POLN: variants seen among roughly 807,000 people sequenced by gnomAD.
POLN encodes DNA polymerase nu.
Under a neutral mutation model 113.5 loss-of-function variants are expected in POLN, and 108 were observed. That is an observed-to-expected ratio of 0.95 (90% CI 0.81 to 1.12). POLN has a LOEUF of 1.12. POLN is among the 50% of genes most tolerant of loss of function. The pLI is 0.00. For synonymous variants in POLN, 386 were observed against 391.5 expected (o/e 0.99, Z 0.17); for missense variants, 1,097 against 1,077.1 (o/e 1.02, Z -0.26).
At chr4:2,075,659 C>T (rs1406418361) in intron 23 of POLN, 140 bp from the exon 24 acceptor site, 3 of 837,926 alleles carry the variant, frequency 3.6e-6, no homozygotes, top group Non-Finnish European at 5.7e-6. Context: ...AGGTGGGGGC[C>T]CATCCCCAAG....
At chr4:2,134,259 T>C (rs1220937744) in intron 16 of POLN, among the ~76,000 whole-genome samples, 2 of 152,230 alleles carry the variant, frequency 1.3e-5, no homozygotes, top group Non-Finnish European at 2.9e-5. Context: ...TCTATTCACT[T>C]CTAAAAAGAC....
intron 12 of POLN, 141 bp downstream of exon 12, chr4:2,170,957 T>C (rs2108747091): frequency 2.3e-6 from 2 of 858,662 alleles, no homozygotes; most frequent in East Asian, 5.1e-5. Context: ...AATCTCAATG[T>C]GTTCATTACT....
chr4:2,174,649 C>G, intron 10 of POLN, 42 bp downstream of exon 10: 1 of 1,493,348 alleles, frequency 6.7e-7, no homozygotes, highest in East Asian at 2.3e-5. Flanking sequence ...TATGAAGAAC[C>G]CTCTAGAAAA....
chr4:2,223,462 C>T (rs1030011188), intron 3 of POLN, among the ~76,000 whole-genome samples: 4 of 152,156 alleles, frequency 2.6e-5, no homozygotes, highest in Admixed American at 1.3e-4. Context: ...GAGAATCTAC[C>T]GCCTGACGAT....
chr4:2,228,603 T>A lies in POLN; in HGVS notation c.133+496A>T, dbSNP rs367944896. The A allele has an allele frequency of 4.2e-3, 733 of 172,706 alleles. 7 individuals are homozygous for A. The highest frequency in any genetic ancestry group is 0.017 in the African/African-American group (696 of 41,662). 10.7% of individuals were successfully genotyped at this position (172,706 alleles called of 1,614,324 possible). On this transcript the variant is annotated intron_variant, in intron 3 of 25. Coordinates refer to ENST00000511885, the MANE Select transcript of POLN (RefSeq NM_181808.4). Reference sequence around the variant, plus strand: ...CGCCGACCTCGGCCTCCCAAAGTGCTGGGATTACAGGCGTGAGCCACCGCA... The same window carrying A: ...CGCCGACCTCGGCCTCCCAAAGTGCAGGGATTACAGGCGTGAGCCACCGCA...
At chr4:2,166,144 C>T (rs894477727) in intron 13 of POLN, among the ~76,000 whole-genome samples, 1 of 152,138 alleles carries the variant, frequency 6.6e-6, no homozygotes, top group African/African-American at 2.4e-5. Flanking sequence ...CCAAGGCTAC[C>T]CATTTTTCTA....
intron 13 of POLN, among the ~76,000 whole-genome samples, chr4:2,162,683 C>G (rs998639370): frequency 6.6e-6 from 1 of 151,910 alleles, no homozygotes; most frequent in Non-Finnish European, 1.5e-5. Flanking sequence ...TCTTGAACTC[C>G]TGGACTCAAG....
chr4:2,233,195 C>T (rs1037594603), intron 2 of POLN, among the ~76,000 whole-genome samples: 3 of 152,284 alleles, frequency 2.0e-5, no homozygotes, highest in South Asian at 4.1e-4. Context: ...CTAAGACAAA[C>T]TTGGTAAACT....
In POLN at chr4:2,118,871, T is replaced by C. The variant is rs188720855; in HGVS notation, c.1982+9242A>G. Among the ~76,000 whole-genome samples the C allele has an allele frequency of 2.0e-3, 308 of 152,298 alleles. 2 individuals carry two copies. Among genetic ancestry groups the C allele is most frequent in the African/African-American group, 7.1e-3 (296 of 41,560 alleles). ...ATGCAAGATGATGGAGCAACCTCTA[T>C]CAAAAATTTTACCAGCAGTTGTAAT... On this transcript the variant is annotated intron_variant, in intron 19 of 25. Transcript: ENST00000511885.
At chr4:2,156,675 T>A in intron 16 of POLN, 113 bp downstream of exon 16, 2 of 805,590 alleles carry the variant, frequency 2.5e-6, no homozygotes, top group Admixed American at 2.0e-5. Flanking sequence ...CATATCAGTA[T>A]GAAGTCCCCT....
At chr4:2,208,588 GACACA>G in intron 4 of POLN, 101 bp from the exon 5 acceptor site, 3 of 941,480 alleles carry the variant, frequency 3.2e-6, no homozygotes, top group Non-Finnish European at 4.5e-6. Context: ...GTAATATGGA[GACACA>G]ATCTTCATAT....
chr4:2,179,548 C>G, intron 7 of POLN, 83 bp from the exon 8 acceptor site: 1 of 1,306,700 alleles, frequency 7.7e-7, no homozygotes, highest in Non-Finnish European at 1.1e-6. Flanking sequence ...TAAGTTCAAA[C>G]GAATAGTAGT....
intron 13 of POLN, among the ~76,000 whole-genome samples, chr4:2,162,091 G>A (rs1345807843): frequency 6.6e-6 from 1 of 152,158 alleles, no homozygotes; most frequent in Admixed American, 6.5e-5. Context: ...GGCTGCCCGA[G>A]CCAGCAGCGG....
chr4:2,173,804 C>G, intron 11 of POLN, 151 bp downstream of exon 11: 1 of 759,914 alleles, frequency 1.3e-6, no homozygotes, highest in Non-Finnish European at 2.2e-6. Flanking sequence ...GCTTGGTTCT[C>G]CCCTGCAGGC....
chr4:2,105,376 T>C (rs1024973331), intron 19 of POLN, among the ~76,000 whole-genome samples: 19 of 152,164 alleles, frequency 1.2e-4, no homozygotes, highest in African/African-American at 4.3e-4. Flanking sequence ...ACCATGCAAT[T>C]TGAAAACTTC....
At chr4:2,157,360 A>G (rs545178924) in intron 15 of POLN, among the ~76,000 whole-genome samples, 15 of 152,340 alleles carry the variant, frequency 9.8e-5, no homozygotes, top group African/African-American at 3.6e-4. Flanking sequence ...AGAGGGTTTC[A>G]AGGCATAACA....
chr4:2,121,208 G>A (rs1367422081), intron 19 of POLN, among the ~76,000 whole-genome samples: 2 of 152,104 alleles, frequency 1.3e-5, no homozygotes, highest in Non-Finnish European at 2.9e-5. Context: ...GCGGAGGCAG[G>A]TGGATTGCTT....
In POLN at chr4:2,126,546, G is replaced by GGACCAGAGAGGAGCAGA. The variant is rs1315819350; in HGVS notation, c.1982+1550_1982+1566dup. ...AGAGCAATACATGGGAATGTGCATC[G>GGACCAGAGAGGAGCAGA]GACCAGAGAGGAGCAGAGACCAGAG... On this transcript the variant is annotated intron_variant, in intron 19 of 25. Transcript: ENST00000511885. This position sits in a 1 kb window ranked among gnomAD's most constrained non-coding sequence, Gnocchi z 4.6. Among the ~76,000 whole-genome samples, 5 of 152,116 alleles carry GGACCAGAGAGGAGCAGA rather than the reference G, an allele frequency of 3.3e-5. No homozygotes were observed. Among genetic ancestry groups the GGACCAGAGAGGAGCAGA allele is most frequent in the African/African-American group, 9.7e-5 (4 of 41,412 alleles).
intron 24 of POLN, among the ~76,000 whole-genome samples, chr4:2,073,991 C>G (rs1176139127): frequency 6.6e-6 from 1 of 152,232 alleles, no homozygotes; most frequent in African/African-American, 2.4e-5. Context: ...CCTGGGCCCC[C>G]CTGGGGACCT....
Sources: gnomAD v4.1 joint callset for allele counts (sites outside exome capture counted in the v4.1 genomes callset) on GRCh38, gnomAD v4.1.1 for gene constraint, Gnocchi (gnomAD v3.1) non-coding constraint, MANE v1.5 for transcripts, NCBI Gene and HGNC (gene_info 2026-07-23, HGNC 2026-07-21) for gene names.